The following FDX2 variants were observed in gnomAD, a reference collection of about 807,000 sequenced individuals.
The protein encoded by FDX2 is ferredoxin 2.
In FDX2, 13 loss-of-function variants were observed where a neutral mutation model predicts 18.5. The observed-to-expected ratio is 0.70, with a 90% CI of 0.46 to 1.12. The LOEUF is 1.12. Among genes scored for constraint, FDX2 ranks in the 50% most tolerant of loss-of-function variants. The pLI is 0.00. For synonymous variants in FDX2, 132 were observed against 106.2 expected (o/e 1.24, Z -1.49); for missense variants, 238 against 250.4 (o/e 0.95, Z 0.34).
chr19:10,310,761 T>A, intron 4 of FDX2, 92 bp downstream of exon 4: 2 of 1,456,450 alleles, frequency 1.4e-6, no homozygotes, highest in Non-Finnish European at 1.9e-6. Context: ...GGGAGGCAGC[T>A]CCCATTCCAG....
At chr19:10,312,404 C>G (rs1296976502) in intron 3 of FDX2, among the ~76,000 whole-genome samples, 1 of 152,078 alleles carries the variant, frequency 6.6e-6, no homozygotes, top group Non-Finnish European at 1.5e-5. Context: ...TCACAGAGAC[C>G]GGTGCTTGGG....
In FDX2 at chr19:10,313,724, G is replaced by A. The variant is rs1457495371; in HGVS notation, c.316+1662C>T. Among the ~76,000 whole-genome samples, 36 of 108,930 alleles carry A rather than the reference G, an allele frequency of 3.3e-4. 1 individual carries two copies. Among genetic ancestry groups the A allele is most frequent in the African/African-American group, 2.2e-4 (6 of 27,422 alleles). The allele number at this position is 108,930 out of a possible 152,430, so 71.5% of individuals were successfully genotyped here. A position where few individuals can be genotyped will look rare whatever the true frequency, so the allele number is the denominator to read the frequency against. ...TTTTTTGAGACAGTCTCACTCTGTC[G>A]CCCAGGCTGGAGTGCAGTGGCGTGA... is the stretch of plus-strand genomic sequence containing the variant. On this transcript the variant is annotated intron_variant, in intron 3 of 4. Coordinates refer to ENST00000393708, the MANE Select transcript of FDX2 (RefSeq NM_001031734.4).
chr19:10,312,290 C>A (rs961360454), intron 3 of FDX2, among the ~76,000 whole-genome samples: 3 of 149,302 alleles, frequency 2.0e-5, no homozygotes, highest in African/African-American at 7.4e-5. Context: ...GCTGGGACTA[C>A]AGGCATATGC....
chr19:10,312,953 A>G (rs1173183990), intron 3 of FDX2, among the ~76,000 whole-genome samples: 1 of 152,156 alleles, frequency 6.6e-6, no homozygotes, highest in Non-Finnish European at 1.5e-5. Flanking sequence ...CCTGGCCAAC[A>G]TGGCGAAACC....
Position 10,310,246 on chromosome 19 carries a change from A to G in FDX2, c.*240T>C, listed in dbSNP as rs1437639436. Reference sequence around the variant, plus strand: ...GTTATCGATTTATTGCAGCTCCAATATGAGTCCACTCCTACTCAAACCCTG... The same window carrying G: ...GTTATCGATTTATTGCAGCTCCAATGTGAGTCCACTCCTACTCAAACCCTG... On this transcript the variant is annotated 3_prime_UTR_variant, in exon 5 of 5. Transcript: ENST00000393708. The G allele has an allele frequency of 8.9e-6, 5 of 563,400 alleles. No individual in the cohort carries two copies. Among genetic ancestry groups the G allele is most frequent in the Non-Finnish European group, 1.6e-5 (5 of 316,476 alleles). 34.9% of individuals were successfully genotyped at this position (563,400 alleles called of 1,614,324 possible). A position where few individuals can be genotyped will look rare whatever the true frequency, so the allele number is the denominator to read the frequency against.
rs60081408 is a variant in FDX2, at chr19:10,313,245, C to G, written c.316+2141G>C. Reference sequence around the variant, plus strand: ...TTTAGGTAGGCCTTTCATAACCCCTCCCAACATATCTTCCCCTTTAATGAT... The same window carrying G: ...TTTAGGTAGGCCTTTCATAACCCCTGCCAACATATCTTCCCCTTTAATGAT... On this transcript the variant is annotated intron_variant, in intron 3 of 4. Coordinates refer to ENST00000393708, the MANE Select transcript of FDX2 (RefSeq NM_001031734.4). Among the ~76,000 whole-genome samples the G allele has an allele frequency of 2.2e-3, 338 of 152,256 alleles. 1 individual carries two copies. Among genetic ancestry groups the G allele is most frequent in the Non-Finnish European group, 3.3e-3 (225 of 68,026 alleles).
intron 3 of FDX2, among the ~76,000 whole-genome samples, chr19:10,314,110 A>G (rs1046198317): frequency 1.3e-5 from 2 of 151,710 alleles, no homozygotes; most frequent in African/African-American, 2.4e-5. Flanking sequence ...CAGCCTCCCA[A>G]GTAGCTGGGA....
intron 3 of FDX2, among the ~76,000 whole-genome samples, chr19:10,313,672 T>TATATATATATATATA (rs1491344383): frequency 2.8e-3 from 63 of 22,666 alleles, no homozygotes; most frequent in African/African-American, 3.8e-3. Context: ...TATATATATA[T>TATATATATATATATA]TTTTTTTTTT....
chr19:10,315,966 T>G lies in FDX2; in HGVS notation c.40A>C (p.Ser14Arg), dbSNP rs1321403305. 1 of 1,608,570 alleles carries G rather than the reference T, an allele frequency of 6.2e-7. No homozygotes were observed. The highest frequency in any genetic ancestry group is 2.2e-5 in the East Asian group (1 of 44,740). ...GCAGCCTGCAGTAGAACCCTGGCAC[T>G]CACGCCTCCCCGGGCCATGGAGGCG... Residue 14 changes from serine to arginine, a missense_variant, in exon 1 of 5, where the codon AGT (serine) becomes CGT (arginine). Coordinates refer to ENST00000393708, the MANE Select transcript of FDX2 (RefSeq NM_001031734.4).
In FDX2 at chr19:10,315,973, T is replaced by G; in HGVS notation, c.33A>C (p.Gly11=). Residue 11 remains glycine, a synonymous_variant, in exon 1 of 5, where the codon GGA becomes GGC. Transcript: ENST00000393708. The stretch of plus-strand genomic sequence containing the variant: ...GCAGTAGAACCCTGGCACTCACGCC[T>G]CCCCGGGCCATGGAGGCGGCCATGA... 1 of 1,606,800 alleles carries G rather than the reference T, an allele frequency of 6.2e-7. No individual in the cohort carries two copies. The highest frequency in any genetic ancestry group is 8.5e-7 in the Non-Finnish European group (1 of 1,178,258).
chr19:10,313,671 A>ATTTTT (rs1198833749), intron 3 of FDX2, among the ~76,000 whole-genome samples: 2 of 45,412 alleles, frequency 4.4e-5, no homozygotes, highest in East Asian at 7.7e-4. Flanking sequence ...ATATATATAT[A>ATTTTT]TTTTTTTTTT....
Position 10,310,606 on chromosome 19 carries a change from C to T in FDX2, c.441G>A (p.Gln147=). Residue 147 remains glutamine, a synonymous_variant, in exon 5 of 5, where the codon CAG becomes CAA. Transcript: ENST00000393708. ...TCTGGCAGCCCAGCCGCGAGTTCTC[C>T]TGGAGGAGGGGGGCCATGTCTAGCA... 6.2e-7 allele frequency: 1 copy of T among 1,603,612 alleles called. No individual in the cohort carries two copies. The highest frequency in any genetic ancestry group is 8.5e-7 in the Non-Finnish European group (1 of 1,173,922).
intron 3 of FDX2, 114 bp downstream of exon 3, chr19:10,315,272 C>T: frequency 1.2e-6 from 1 of 811,776 alleles, no homozygotes; most frequent in Non-Finnish European, 1.9e-6. Context: ...GGATTTTAGT[C>T]CATATTTGGT....
Position 10,310,612 on chromosome 19 carries a change from G to A in FDX2, c.435C>T (p.Leu145=), listed in dbSNP as rs1292086592. ...AGCCCAGCCGCGAGTTCTCCTGGAG[G>A]AGGGGGGCCATGTCTAGCATGTCGT... Residue 145 remains leucine, a synonymous_variant, in exon 5 of 5, where the codon CTC becomes CTT. Coordinates refer to ENST00000393708, the MANE Select transcript of FDX2 (RefSeq NM_001031734.4). 1 of 1,613,914 alleles carries A rather than the reference G, an allele frequency of 6.2e-7. No homozygotes were observed. The highest frequency in any genetic ancestry group is 8.5e-7 in the Non-Finnish European group (1 of 1,179,970).
At chr19:10,310,696 G>A in intron 4 of FDX2, 54 bp from the exon 5 acceptor site, 2 of 1,520,490 alleles carry the variant, frequency 1.3e-6, no homozygotes, top group Non-Finnish European at 1.8e-6. Context: ...TGGGTGGGTG[G>A]GGGGCCAGAG....
At chr19:10,310,800 C>A in intron 4 of FDX2, 53 bp downstream of exon 4, 2 of 1,569,796 alleles carry the variant, frequency 1.3e-6, no homozygotes, top group African/African-American at 1.4e-5. Flanking sequence ...ATGGTGGGGG[C>A]TGCTGAATGC....
intron 3 of FDX2, among the ~76,000 whole-genome samples, chr19:10,311,364 C>CA (rs1440559685): frequency 6.6e-6 from 1 of 151,286 alleles, no homozygotes; most frequent in Non-Finnish European, 1.5e-5. Context: ...ACTCAGCAGT[C>CA]AGTGTGGTGG....
At chr19:10,310,737 G>C (rs1253524041) in intron 4 of FDX2, 95 bp from the exon 5 acceptor site, 13 of 1,459,240 alleles carry the variant, frequency 8.9e-6, no homozygotes, top group Middle Eastern at 2.2e-4. Context: ...ACTGAGCGCA[G>C]GGGGTAGTGG....
chr19:10,315,768 C>G lies in FDX2; in HGVS notation c.155-9G>C. 1 of 1,603,130 alleles carries G rather than the reference C, an allele frequency of 6.2e-7. No homozygotes were observed. Among genetic ancestry groups the G allele is most frequent in the South Asian group, 1.1e-5 (1 of 89,938 alleles). ...TCCAGCCGGGCGCGAGCCTGGAAAACACGGTTCGGTGAGCGGCTGCGCCGA... is the reference window on the plus strand; with the variant it reads ...TCCAGCCGGGCGCGAGCCTGGAAAAGACGGTTCGGTGAGCGGCTGCGCCGA... On this transcript the variant is annotated splice_polypyrimidine_tract_variant and intron_variant, in intron 1 of 4. Transcript: ENST00000393708.
Sources: allele counts gnomAD v4.1 joint callset (sites outside exome capture counted in the v4.1 genomes callset), GRCh38; gene constraint gnomAD v4.1.1; transcripts MANE v1.5; gene names NCBI Gene and HGNC (gene_info 2026-07-23, HGNC 2026-07-21).